The following NRXN3 variants were observed in gnomAD, a reference collection of about 807,000 sequenced individuals.
The protein encoded by NRXN3 is neurexin III.
NRXN3 carries 32 observed loss-of-function variants against 137.6 expected under a neutral mutation model. That is an observed-to-expected ratio of 0.23 (90% CI 0.18 to 0.31). NRXN3 has a LOEUF of 0.31. Ranked by LOEUF, NRXN3 falls within the 10% of genes least tolerant of loss-of-function variation. The pLI, the probability that NRXN3 is intolerant of heterozygous loss-of-function variation, is 1.00. For synonymous variants in NRXN3, 798 were observed against 784.5 expected, an observed-to-expected ratio of 1.02 and a Z score of -0.29; for missense variants, 1,574 against 2,062.5, an observed-to-expected ratio of 0.76 and a Z score of 4.59.
intron 15 of NRXN3, among the ~76,000 whole-genome samples, chr14:79,441,366 C>CTTTTTTTTTTTTTTTTTTTTTTTTTT (rs869170695): frequency 1.5e-5 from 1 of 67,232 alleles, no homozygotes; most frequent in Non-Finnish European, 2.5e-5. Context: ...AACAGAAAAT[C>CTTTTTTTTTTTTTTTTTTTTTTTTTT]TTTTTTTTTT....
At chr14:79,026,837 A>G (rs1414522779) in intron 15 of NRXN3, among the ~76,000 whole-genome samples, 1 of 151,710 alleles carries the variant, frequency 6.6e-6, no homozygotes. Flanking sequence ...GGCACTTGGG[A>G]GAGAGAATGG....
intron 19 of NRXN3, among the ~76,000 whole-genome samples, chr14:79,719,729 T>C (rs2098837621): frequency 6.6e-6 from 1 of 152,132 alleles, no homozygotes; most frequent in Non-Finnish European, 1.5e-5. Flanking sequence ...CCAATATTTT[T>C]TCACATGCAT....
intron 15 of NRXN3, among the ~76,000 whole-genome samples, chr14:79,109,735 C>T (rs901670467): frequency 2.0e-5 from 3 of 152,092 alleles, no homozygotes; most frequent in African/African-American, 7.2e-5. Context: ...TATGTAGCCT[C>T]AGCTGCTTAT....
At chr14:78,773,722 A>T (rs1377024208) in intron 8 of NRXN3, among the ~76,000 whole-genome samples, 1 of 152,124 alleles carries the variant, frequency 6.6e-6, no homozygotes, top group Non-Finnish European at 1.5e-5. Context: ...CTGAGAAACT[A>T]AAACACAATT....
rs8014580 is a variant in NRXN3, at chr14:79,470,270, G to A, written c.3444+2868G>A. Among the ~76,000 whole-genome samples the A allele has an allele frequency of 0.015, 2,321 of 152,232 alleles. 101 individuals are homozygous for A. In the East Asian group the frequency reaches 0.17, roughly 11 times the overall value. ...TCTCAGTTTTTTTACTGCTATAACA[G>A]AATATTTGAGATTTGGTAATTTATA... On this transcript the variant is annotated intron_variant, in intron 16 of 20. Transcript: ENST00000335750.
chr14:79,028,767 G>A (rs929618571), intron 15 of NRXN3, among the ~76,000 whole-genome samples: 8 of 152,110 alleles, frequency 5.3e-5, no homozygotes, highest in Non-Finnish European at 1.2e-4. Flanking sequence ...AATGAGAAGA[G>A]CATGGAGAGG....
At chr14:78,806,870 G>T (rs929851653) in intron 9 of NRXN3, among the ~76,000 whole-genome samples, 1 of 152,098 alleles carries the variant, frequency 6.6e-6, no homozygotes, top group Admixed American at 6.5e-5. Flanking sequence ...GATCTCATGC[G>T]ATTAATGATA....
chr14:78,576,851 T>C (rs1436511454), intron 4 of NRXN3, among the ~76,000 whole-genome samples: 1 of 152,198 alleles, frequency 6.6e-6, no homozygotes, highest in Admixed American at 6.5e-5. Flanking sequence ...AGGCTTATGA[T>C]AGATGTTTCC....
chr14:79,160,624 T>C (rs1400270870), intron 15 of NRXN3, among the ~76,000 whole-genome samples: 4 of 151,928 alleles, frequency 2.6e-5, no homozygotes, highest in Non-Finnish European at 5.9e-5. Context: ...GTTCTTTTTT[T>C]AACGTGACTC....
In NRXN3 at chr14:79,036,410, G is replaced by A. The variant is rs181840835; in HGVS notation, c.3262+48269G>A. Among the ~76,000 whole-genome samples, 48 of 152,080 alleles carry A rather than the reference G, an allele frequency of 3.2e-4. No homozygotes were observed. The East Asian group carries it at 6.2e-3, about 20-fold the overall frequency. ...ATGGTGCTGGTGTATGTAGACTTGC[G>A]TGAGGGGGAGGACATGGAATGGTAT... On this transcript the variant is annotated intron_variant, in intron 15 of 20. Coordinates refer to ENST00000335750, the MANE Select transcript of NRXN3 (RefSeq NM_001330195.2).
chr14:78,500,931 G>A (rs1322664142), intron 4 of NRXN3, among the ~76,000 whole-genome samples: 1 of 152,012 alleles, frequency 6.6e-6, no homozygotes, highest in African/African-American at 2.4e-5. Context: ...TCTTTATTCT[G>A]TTTCTCATCT....
At chr14:79,616,526 G>A (rs983368316) in intron 16 of NRXN3, among the ~76,000 whole-genome samples, 5 of 152,108 alleles carry the variant, frequency 3.3e-5, no homozygotes, top group African/African-American at 9.7e-5. Flanking sequence ...AATGGAATAA[G>A]GCAAGAGAGG....
At chr14:79,006,531 T>A (rs991123533) in intron 15 of NRXN3, among the ~76,000 whole-genome samples, 2 of 152,172 alleles carry the variant, frequency 1.3e-5, no homozygotes, top group African/African-American at 4.8e-5. Context: ...ACTCCATTTT[T>A]AACTTTATAA....
At chr14:79,018,365 C>T (rs2964900) in intron 15 of NRXN3, among the ~76,000 whole-genome samples, 3,299 of 149,758 alleles carry the variant, frequency 0.022, 124 homozygotes, top group African/African-American at 0.077. Context: ...ACTCAAGGAA[C>T]CTTTGATGGG....
chr14:78,747,492 C>T (rs1055044614), intron 8 of NRXN3, among the ~76,000 whole-genome samples: 4 of 152,088 alleles, frequency 2.6e-5, no homozygotes, highest in African/African-American at 9.7e-5. Flanking sequence ...TCTTATTTCA[C>T]GTGCTTTAGT....
At chr14:78,788,392 C>T (rs2098795554) in intron 8 of NRXN3, among the ~76,000 whole-genome samples, 1 of 152,066 alleles carries the variant, frequency 6.6e-6, no homozygotes, top group Admixed American at 6.6e-5. Context: ...CTCCACCCTT[C>T]TTCATTCAGT....
intron 16 of NRXN3, among the ~76,000 whole-genome samples, chr14:79,533,170 T>G (rs997122007): frequency 6.6e-6 from 1 of 152,142 alleles, no homozygotes; most frequent in Non-Finnish European, 1.5e-5. Context: ...AATGATATTG[T>G]TTTTATACCC....
At chr14:78,872,110 G>T (rs1202053237) in intron 10 of NRXN3, among the ~76,000 whole-genome samples, 1 of 151,594 alleles carries the variant, frequency 6.6e-6, no homozygotes, top group African/African-American at 2.4e-5. Context: ...TGTGGTTATG[G>T]TGCTATTTTT....
At chr14:78,421,186 C>A (rs1368518855) in intron 4 of NRXN3, among the ~76,000 whole-genome samples, 6 of 151,662 alleles carry the variant, frequency 4.0e-5, no homozygotes, top group Non-Finnish European at 5.9e-5. Flanking sequence ...TCTCTTGAAC[C>A]CGGGAGGCGG....
Sources: gnomAD v4.1 joint callset for allele counts (sites outside exome capture counted in the v4.1 genomes callset) on GRCh38, gnomAD v4.1.1 for gene constraint, MANE v1.5 for transcripts, NCBI Gene and HGNC (gene_info 2026-07-23, HGNC 2026-07-21) for gene names.